ABTB3: variants seen among roughly 807,000 people sequenced by gnomAD.
ABTB3 encodes ankyrin repeat- and BTB/POZ domain-containing protein 3.
the ABTB3 span, among the ~76,000 whole-genome samples, chr12:107,641,430 T>G: frequency 6.6e-6 from 1 of 152,084 alleles, no homozygotes; most frequent in Admixed American, 6.6e-5. Context: ...ATCTATAATT[T>G]CAAAAAATAA....
chr12:107,354,503 T>C, the ABTB3 span, among the ~76,000 whole-genome samples: 1 of 152,240 alleles, frequency 6.6e-6, no homozygotes, highest in South Asian at 2.1e-4. Context: ...ATATAATAGC[T>C]GGTCTTTTGT....
At chr12:107,357,244 TC>T in the ABTB3 span, among the ~76,000 whole-genome samples, 2 of 152,212 alleles carry the variant, frequency 1.3e-5, no homozygotes, top group Non-Finnish European at 2.9e-5. Flanking sequence ...ACACCTGTGC[TC>T]CCACCTCCAC....
the ABTB3 span, among the ~76,000 whole-genome samples, chr12:107,598,412 A>G: frequency 5.1e-3 from 779 of 152,330 alleles, 6 homozygotes; most frequent in South Asian, 0.027. Context: ...GAACTTAATC[A>G]CATGGCTATA....
chr12:107,544,091 G>A, the ABTB3 span: 1 of 1,614,090 alleles, frequency 6.2e-7, no homozygotes. Flanking sequence ...CAAATGGAAT[G>A]GGAAAACCCC....
the ABTB3 span, among the ~76,000 whole-genome samples, chr12:107,537,151 C>A: frequency 1.3e-5 from 2 of 150,000 alleles, no homozygotes; most frequent in South Asian, 4.2e-4. Flanking sequence ...ACATGATCTT[C>A]TTTGTATATG....
chr12:107,650,511 A>C, the ABTB3 span: 1 of 152,220 alleles, frequency 6.6e-6, no homozygotes, highest in Non-Finnish European at 1.5e-5. Context: ...TTTGTAAACA[A>C]AAGTGCGCTG....
the ABTB3 span, among the ~76,000 whole-genome samples, chr12:107,477,637 T>C: frequency 6.6e-6 from 1 of 152,224 alleles, no homozygotes; most frequent in African/African-American, 2.4e-5. Flanking sequence ...TTCTATTGTA[T>C]TGATTTGATT....
chr12:107,620,843 CTT>C, the ABTB3 span, among the ~76,000 whole-genome samples: 1 of 152,218 alleles, frequency 6.6e-6, no homozygotes, highest in Non-Finnish European at 1.5e-5. Context: ...TTAAAAATAT[CTT>C]TGGGGTTTTT....
At chr12:107,470,725 A>G in the ABTB3 span, among the ~76,000 whole-genome samples, 10 of 152,172 alleles carry the variant, frequency 6.6e-5, no homozygotes, top group Admixed American at 3.9e-4. Flanking sequence ...ACCTCTCCCA[A>G]TGCCTGGCTC....
At chr12:107,351,170 GC>G in the ABTB3 span, among the ~76,000 whole-genome samples, 6 of 152,296 alleles carry the variant, frequency 3.9e-5, 1 homozygote, top group Admixed American at 3.9e-4. Context: ...CTGCCAAGGG[GC>G]TTTTCATACC....
the ABTB3 span, among the ~76,000 whole-genome samples, chr12:107,352,394 CTG>C: frequency 3.3e-5 from 5 of 152,092 alleles, no homozygotes; most frequent in Admixed American, 3.3e-4. Flanking sequence ...AGGGAATAGT[CTG>C]GAGGAAAAAG....
the ABTB3 span, among the ~76,000 whole-genome samples, chr12:107,423,247 A>G: frequency 9.2e-5 from 14 of 152,148 alleles, no homozygotes; most frequent in Non-Finnish European, 1.6e-4. Flanking sequence ...CTGCCTTCTC[A>G]TTTTTTCTTG....
At chr12:107,482,485 G>C in the ABTB3 span, among the ~76,000 whole-genome samples, 2 of 152,092 alleles carry the variant, frequency 1.3e-5, no homozygotes, top group African/African-American at 4.8e-5. Context: ...ACTTGGATTT[G>C]GACAGTGACT....
chr12:107,320,507 G>A, the ABTB3 span: 1 of 449,156 alleles, frequency 2.2e-6, no homozygotes, highest in Non-Finnish European at 4.5e-6. Context: ...GGCGCGTTCC[G>A]CTCTCCGCAA....
the ABTB3 span, chr12:107,617,632 A>G: frequency 3.2e-6 from 2 of 621,564 alleles, no homozygotes; most frequent in Admixed American, 3.2e-5. Flanking sequence ...ACATCCACTC[A>G]GAATGCTTTA....
the ABTB3 span, among the ~76,000 whole-genome samples, chr12:107,323,099 A>G: frequency 6.6e-6 from 1 of 152,188 alleles, no homozygotes; most frequent in Non-Finnish European, 1.5e-5. Flanking sequence ...GAAAGAAGCT[A>G]TTGCTTTTTG....
the ABTB3 span, among the ~76,000 whole-genome samples, chr12:107,386,890 AGTGTGTGTGT>A: frequency 8.9e-4 from 128 of 143,352 alleles, no homozygotes; most frequent in Middle Eastern, 3.5e-3. Context: ...GGAAATGGAA[AGTGTGTGTGT>A]GTGTGTGTGT....
chr12:107,399,871 T>C, the ABTB3 span, among the ~76,000 whole-genome samples: 1 of 152,144 alleles, frequency 6.6e-6, no homozygotes, highest in Non-Finnish European at 1.5e-5. Flanking sequence ...CAGTGTCTGA[T>C]GTTCCCCTCC....
At chr12:107,470,090 G>A in the ABTB3 span, among the ~76,000 whole-genome samples, 15 of 150,168 alleles carry the variant, frequency 1.0e-4, no homozygotes, top group African/African-American at 3.7e-4. Context: ...CCAGGCTGGA[G>A]CGCAGTGGCA....
Sources: gnomAD v4.1 joint callset for allele counts (sites outside exome capture counted in the v4.1 genomes callset) on GRCh38, gnomAD v4.1.1 for gene constraint, MANE v1.5 for transcripts, NCBI Gene and HGNC (gene_info 2026-07-23, HGNC 2026-07-21) for gene names.